Variants in ERBB4 observed in about 807,000 individuals in gnomAD.
The protein encoded by ERBB4 is receptor tyrosine-protein kinase erbB-4.
Under a neutral mutation model 158.0 loss-of-function variants are expected in ERBB4, and 42 were observed. The ratio of observed to expected loss-of-function variants is 0.27; its 90% CI spans 0.21 to 0.34. The LOEUF (loss-of-function observed/expected upper bound fraction) is 0.34, where lower values mean the gene tolerates loss of function less well. ERBB4 is among the 10% of genes least tolerant of loss of function. The pLI is 1.00. For synonymous variants in ERBB4, 583 were observed against 558.7 expected, an observed-to-expected ratio of 1.04 and a Z score of -0.61; for missense variants, 1,333 against 1,624.1, an observed-to-expected ratio of 0.82 and a Z score of 3.08.
At chr2:212,184,398 T>C (rs756842725) in intron 1 of ERBB4, among the ~76,000 whole-genome samples, 3 of 152,112 alleles carry the variant, frequency 2.0e-5, no homozygotes, top group Non-Finnish European at 2.9e-5. Context: ...TTAATACTTA[T>C]ATATATAAGG....
rs1233846320 is a variant in ERBB4 at position 211,580,806 on chromosome 2, AT to A, written c.2302-18719del. Reference sequence around the variant, plus strand: ...AATTGTGATATATATATATATATATATATATAATATATATATATTATATATA... The same window carrying A: ...AATTGTGATATATATATATATATATAATATAATATATATATATTATATATA... On this transcript the variant is annotated intron_variant, in intron 19 of 27. Transcript: ENST00000342788. 1.2e-3 allele frequency among the ~76,000 whole-genome samples: 74 copies of A among 61,536 alleles called. 5 individuals carry two copies. The highest frequency in any genetic ancestry group is 2.2e-3 in the South Asian group (5 of 2,318). The allele number at this position is 61,536 out of a possible 152,430, so 40.4% of individuals were successfully genotyped here. A position where few individuals can be genotyped will look rare whatever the true frequency, so the allele number is the denominator to read the frequency against.
intron 2 of ERBB4, among the ~76,000 whole-genome samples, chr2:212,037,107 G>A (rs1292249299): frequency 3.6e-5 from 1 of 27,612 alleles, no homozygotes; most frequent in Non-Finnish European, 6.0e-4. Flanking sequence ...AATTTTGAAG[G>A]GTTTTTTTGT....
rs568518275 is a variant in ERBB4, at chr2:212,273,454, C to A, written c.83-148551G>T. 2.0e-5 allele frequency among the ~76,000 whole-genome samples: 3 copies of A among 151,778 alleles called. No homozygotes were observed. In the South Asian group the frequency reaches 6.2e-4, roughly 32 times the overall value. On this transcript the variant is annotated intron_variant, in intron 1 of 27. Transcript: ENST00000342788. ...TTGAACTCATGGCTTAAGAAAAGTC[C>A]AGATAGAAATAGCAAATATGCTAAT...
chr2:212,069,490 C>T (rs57616405), intron 2 of ERBB4, among the ~76,000 whole-genome samples: 6,306 of 152,118 alleles, frequency 0.041, 437 homozygotes, highest in African/African-American at 0.14. Flanking sequence ...TGCTTCCCCA[C>T]TCCCGATCAG....
At chr2:211,564,789 C>G (rs2067500715) in intron 19 of ERBB4, among the ~76,000 whole-genome samples, 1 of 152,054 alleles carries the variant, frequency 6.6e-6, no homozygotes, top group Admixed American at 6.6e-5. Context: ...AGCTATACAA[C>G]AAACGGAAAT....
At chr2:211,398,012 C>G (rs1238015276) in intron 25 of ERBB4, among the ~76,000 whole-genome samples, 1 of 152,134 alleles carries the variant, frequency 6.6e-6, no homozygotes, top group African/African-American at 2.4e-5. Context: ...ATATAACTAA[C>G]AGCTGCCCTG....
chr2:212,357,102 G>C lies in ERBB4; in HGVS notation c.82+181347C>G, dbSNP rs151237179. On this transcript the variant is annotated intron_variant, in intron 1 of 27. Transcript: ENST00000342788. ...GTCTTATCCTTCAAAAATTATGTGA[G>C]CAAATTTGCTATTCCTGGATATCAT... 2.5e-3 allele frequency among the ~76,000 whole-genome samples: 384 copies of C among 151,804 alleles called. 5 individuals carry two copies. The highest frequency in any genetic ancestry group is 8.8e-3 in the African/African-American group (363 of 41,456).
chr2:211,482,667 A>G (rs1232295783), intron 20 of ERBB4, among the ~76,000 whole-genome samples: 1 of 152,206 alleles, frequency 6.6e-6, no homozygotes, highest in African/African-American at 2.4e-5. Flanking sequence ...GTATTTTGGG[A>G]GGCCAAGATA....
At chr2:212,136,016 T>A (rs1386458150) in intron 1 of ERBB4, among the ~76,000 whole-genome samples, 1 of 152,180 alleles carries the variant, frequency 6.6e-6, no homozygotes, top group Non-Finnish European at 1.5e-5. Flanking sequence ...AACATCTTTC[T>A]TCTCTAGATT....
chr2:212,520,285 A>G (rs915271345), intron 1 of ERBB4, among the ~76,000 whole-genome samples: 1 of 151,950 alleles, frequency 6.6e-6, no homozygotes, highest in Non-Finnish European at 1.5e-5. Flanking sequence ...TAAAGTAAAA[A>G]GTTGAGTTGA....
intron 13 of ERBB4, among the ~76,000 whole-genome samples, chr2:211,675,792 T>TTA (rs34492305): frequency 0.21 from 19,226 of 93,392 alleles, 1,934 homozygotes; most frequent in African/African-American, 0.26. Context: ...AAATATAATA[T>TTA]TATATATATA....
chr2:211,457,375 C>T (rs1468306415), intron 20 of ERBB4, among the ~76,000 whole-genome samples: 2 of 152,164 alleles, frequency 1.3e-5, no homozygotes, highest in East Asian at 3.8e-4. Flanking sequence ...ATCTATCTTG[C>T]ATTGTACATT....
At chr2:211,555,720 A>C (rs1462237041) in intron 20 of ERBB4, among the ~76,000 whole-genome samples, 2 of 152,208 alleles carry the variant, frequency 1.3e-5, no homozygotes, top group African/African-American at 4.8e-5. Context: ...ATCCAGGGAA[A>C]CTAAGCTTCA....
chr2:211,775,922 G>T (rs1341884109), intron 4 of ERBB4, among the ~76,000 whole-genome samples: 1 of 152,164 alleles, frequency 6.6e-6, no homozygotes, highest in Non-Finnish European at 1.5e-5. Context: ...TTTAGGGTTT[G>T]CTGAAGATGG....
At chr2:211,618,174 C>T (rs570698147) in intron 19 of ERBB4, among the ~76,000 whole-genome samples, 55 of 151,932 alleles carry the variant, frequency 3.6e-4, no homozygotes, top group Admixed American at 3.1e-3. Flanking sequence ...CAGGTAGGTT[C>T]TTAATTTAAA....
intron 12 of ERBB4, among the ~76,000 whole-genome samples, chr2:211,701,687 C>T (rs2073250640): frequency 7.7e-6 from 1 of 129,776 alleles, no homozygotes; most frequent in South Asian, 2.5e-4. Flanking sequence ...ACCTGGGAGG[C>T]GGAGCTTGCA....
chr2:211,754,877 T>C (rs1243438047), intron 4 of ERBB4, among the ~76,000 whole-genome samples: 5 of 152,062 alleles, frequency 3.3e-5, no homozygotes. Context: ...TTTTTGTGTT[T>C]TTTAGTAGAG....
intron 3 of ERBB4, among the ~76,000 whole-genome samples, chr2:211,926,698 CT>C (rs1329339271): frequency 6.6e-6 from 1 of 152,104 alleles, no homozygotes; most frequent in Non-Finnish European, 1.5e-5. Context: ...TAGATCATCT[CT>C]ATCTATACTT....
chr2:211,562,826 C>A (rs2067439465), intron 19 of ERBB4, among the ~76,000 whole-genome samples: 1 of 136,714 alleles, frequency 7.3e-6, no homozygotes, highest in Non-Finnish European at 1.5e-5. Context: ...GGCTGGAGTG[C>A]AGTGGCGGGA....
Sources: allele counts gnomAD v4.1 joint callset (sites outside exome capture counted in the v4.1 genomes callset), GRCh38; gene constraint gnomAD v4.1.1; transcripts MANE v1.5; gene names NCBI Gene and HGNC (gene_info 2026-07-23, HGNC 2026-07-21).